The following ADCY10 variants were observed in gnomAD, a reference collection of about 807,000 sequenced individuals.
ADCY10 encodes adenylate cyclase type 10.
A neutral mutation model predicts 183.3 loss-of-function variants in ADCY10; 156 were observed. That is an observed-to-expected ratio of 0.85 (90% CI 0.75 to 0.97). The LOEUF (loss-of-function observed/expected upper bound fraction) is 0.97. Ranked by LOEUF, ADCY10 falls within the 50% of genes least tolerant of loss-of-function variation. The pLI is 0.00. For missense variants in ADCY10, 1,745 were observed against 1,934.3 expected (o/e 0.90, Z 1.84); for synonymous variants, 645 against 670.0 (o/e 0.96, Z 0.58).
intron 14 of ADCY10, among the ~76,000 whole-genome samples, chr1:167,863,764 C>A (rs1571337443): frequency 6.6e-6 from 1 of 152,338 alleles, no homozygotes; most frequent in South Asian, 2.1e-4. Flanking sequence ...GTGTGGCAGG[C>A]CCCCGTGGAG....
chr1:167,913,413 A>G (rs1476987611), intron 1 of ADCY10, among the ~76,000 whole-genome samples: 1 of 152,196 alleles, frequency 6.6e-6, no homozygotes, highest in Non-Finnish European at 1.5e-5. Context: ...AAAGAGGGAG[A>G]TACTCTGAAC....
intron 16 of ADCY10, among the ~76,000 whole-genome samples, chr1:167,857,482 T>C (rs1477609264): frequency 1.3e-5 from 2 of 152,226 alleles, no homozygotes; most frequent in Non-Finnish European, 2.9e-5. Flanking sequence ...ATTTAAGTTT[T>C]AATCTTGGGA....
intron 3 of ADCY10, 88 bp downstream of exon 3, chr1:167,903,799 A>C: frequency 1.1e-6 from 1 of 950,352 alleles, no homozygotes; most frequent in Non-Finnish European, 1.7e-6. Flanking sequence ...GTGCTAAGCA[A>C]TTGTACTCTA....
At chr1:167,820,333 G>T in intron 30 of ADCY10, 1 of 919,126 alleles carries the variant, frequency 1.1e-6, no homozygotes, top group Non-Finnish European at 1.6e-6. Context: ...GGCCTTGAGG[G>T]GCGGGGCCGG....
chr1:167,841,502 C>CTTTTTTTTTTTTTTTT (rs71100905), intron 21 of ADCY10, among the ~76,000 whole-genome samples: 1 of 90,902 alleles, frequency 1.1e-5, no homozygotes, highest in African/African-American at 6.3e-5. Context: ...ATATGCTTTC[C>CTTTTTTTTTTTTTTTT]TTTTTTTTTT....
At position 167,878,614 on chromosome 1, in the gene ADCY10, A is replaced by G; in HGVS notation, c.1238T>C (p.Leu413Ser). The G allele has an allele frequency of 6.2e-7, 1 of 1,614,134 alleles. No individual in the cohort carries two copies. Among genetic ancestry groups the G allele is most frequent in the East Asian group, 2.2e-5 (1 of 44,884 alleles). Residue 413 changes from leucine (L) to serine (S), a missense_variant, in exon 12 of 33, where the codon TTA (leucine) becomes TCA (serine). Coordinates refer to ENST00000367851, the MANE Select transcript of ADCY10 (RefSeq NM_018417.6). The part of the protein sequence containing the change: ...EYTVIGQKVN[L>S]AARMMMYYPG... ...GTAGTACATCATCATCCTGGCAGCTAAGTTGACTTTTTGACCAATGACTAT... is the reference window on the plus strand; with the variant it reads ...GTAGTACATCATCATCCTGGCAGCTGAGTTGACTTTTTGACCAATGACTAT...
intron 29 of ADCY10, among the ~76,000 whole-genome samples, chr1:167,822,516 G>A (rs1458035256): frequency 1.3e-5 from 2 of 152,100 alleles, no homozygotes; most frequent in Admixed American, 6.5e-5. Flanking sequence ...ATTCAGGTTG[G>A]TTCCTGTGGT....
In ADCY10 at chr1:167,845,722, G is replaced by T; in HGVS notation, c.2848C>A (p.His950Asn). Reference sequence around the variant, plus strand: ...TCTAAAAAGCGGGCACATTTCAAGTGCATGGCTTTTCTCTGGTCCTTGAGC... The same window carrying T: ...TCTAAAAAGCGGGCACATTTCAAGTTCATGGCTTTTCTCTGGTCCTTGAGC... ...LWLKDQRKAM[H>N]LKCARFLEED... is the part of the protein sequence containing the mutation. Residue 950 changes from histidine (H) to asparagine (N), a missense_variant, in exon 21 of 33, where the codon CAC becomes AAC. By Grantham distance (68) the His-to-Asn change is moderately conservative. Transcript: ENST00000367851. 6.2e-7 allele frequency: 1 copy of T among 1,614,228 alleles called. No individual in the cohort carries two copies. Among genetic ancestry groups the T allele is most frequent in the Non-Finnish European group, 8.5e-7 (1 of 1,180,046 alleles).
chr1:167,861,820 G>C (rs751825176), intron 14 of ADCY10, among the ~76,000 whole-genome samples: 1 of 152,154 alleles, frequency 6.6e-6, no homozygotes, highest in Non-Finnish European at 1.5e-5. Flanking sequence ...GACCTGTTGG[G>C]AAGTGATTGG....
intron 14 of ADCY10, among the ~76,000 whole-genome samples, chr1:167,867,490 T>TTA (rs1016814741): frequency 1.3e-5 from 2 of 152,212 alleles, no homozygotes; most frequent in African/African-American, 4.8e-5. Flanking sequence ...TTCATGGTTA[T>TTA]TATAAGTGTA....
chr1:167,911,162 G>C (rs558077663), intron 1 of ADCY10, among the ~76,000 whole-genome samples: 1 of 152,294 alleles, frequency 6.6e-6, no homozygotes, highest in East Asian at 1.9e-4. Flanking sequence ...TTCAAACTGG[G>C]CAGTTTTAGG....
At chr1:167,845,324 G>A (rs1664924890) in intron 21 of ADCY10, among the ~76,000 whole-genome samples, 1 of 152,110 alleles carries the variant, frequency 6.6e-6, no homozygotes, top group African/African-American at 2.4e-5. Flanking sequence ...TTTTGCCAGA[G>A]CCCCTATCCC....
At position 167,856,238 on chromosome 1, in the gene ADCY10, C is replaced by T. The variant is rs759888218; in HGVS notation, c.2098G>A (p.Val700Ile). The change falls in exon 17 of 33, where the codon GTA (valine) becomes ATA (isoleucine). Residue 700 changes from valine to isoleucine, a missense_variant. By Grantham distance (29) the Val-to-Ile change is conservative. Coordinates refer to ENST00000367851, the MANE Select transcript of ADCY10 (RefSeq NM_018417.6). ...TTGTTGGAGATGTCGTTAGGCTGTA[C>T]TGCACCAATGACAATGTAGGTGGTG... ...RNTTYIVIGA[V>I]QPNDISNKIC... 1.5e-5 allele frequency: 24 copies of T among 1,613,722 alleles called. No homozygotes were observed. In the East Asian group the frequency reaches 2.5e-4, roughly 16 times the overall value.
intron 21 of ADCY10, 79 bp downstream of exon 21, chr1:167,845,484 T>G: frequency 6.7e-7 from 1 of 1,492,280 alleles, no homozygotes. Context: ...GCCCTCAAGA[T>G]CCACACCCAC....
At chr1:167,890,584 C>G (rs963244974) in intron 8 of ADCY10, among the ~76,000 whole-genome samples, 1 of 127,554 alleles carries the variant, frequency 7.8e-6, no homozygotes, top group Admixed American at 8.7e-5. Context: ...TTGTTCAAGG[C>G]TCTAGCACTC....
In ADCY10 at chr1:167,883,753, T is replaced by TTG. The variant is rs1668033107; in HGVS notation, c.829-126_829-125insCA. Reference sequence around the variant, plus strand: ...ACCTCAGAATGGGTGAGGTACAACATGACAGAGCCAGCATGCCTGAAGTGG... The same window carrying TTG: ...ACCTCAGAATGGGTGAGGTACAACATTGGACAGAGCCAGCATGCCTGAAGTGG... On this transcript the variant is annotated intron_variant, in intron 8 of 32. Transcript: ENST00000367851. 3.6e-6 allele frequency: 3 copies of TTG among 842,420 alleles called. No homozygotes were observed. The Admixed American group carries it at 5.8e-5, about 16-fold the overall frequency. 52.2% of individuals were successfully genotyped at this position (842,420 alleles called of 1,614,324 possible).
At chr1:167,833,773 C>T (rs928609944) in intron 24 of ADCY10, among the ~76,000 whole-genome samples, 197 bp downstream of exon 24, 1 of 150,926 alleles carries the variant, frequency 6.6e-6, no homozygotes. Flanking sequence ...AGATGTAAAC[C>T]TGGAAGACAG....
chr1:167,828,241 A>G (rs1195354444), intron 26 of ADCY10, among the ~76,000 whole-genome samples: 1 of 152,238 alleles, frequency 6.6e-6, no homozygotes, highest in East Asian at 1.9e-4. Context: ...TTATGCTGTT[A>G]CTAGACAAGT....
intron 12 of ADCY10, among the ~76,000 whole-genome samples, chr1:167,875,406 A>G (rs1667381028): frequency 1.6e-5 from 2 of 125,814 alleles, no homozygotes; most frequent in Admixed American, 8.2e-5. Context: ...TTTCCATAGC[A>G]TCTGGCACAT....
Sources: gnomAD v4.1 joint callset for allele counts (sites outside exome capture counted in the v4.1 genomes callset) on GRCh38, gnomAD v4.1.1 for gene constraint, MANE v1.5 for transcripts, NCBI Gene and HGNC (gene_info 2026-07-23, HGNC 2026-07-21) for gene names.